TRPM3: variants seen among roughly 807,000 people sequenced by gnomAD.
TRPM3 encodes transient receptor potential cation channel subfamily M member 3, also known as long transient receptor potential channel 3.
A neutral mutation model predicts 181.2 loss-of-function variants in TRPM3; 77 were observed. The observed-to-expected ratio is 0.42, with a 90% CI of 0.35 to 0.51. TRPM3 has a LOEUF of 0.51. Ranked by LOEUF, TRPM3 falls within the 20% of genes least tolerant of loss-of-function variation. The pLI, the probability that TRPM3 is intolerant of heterozygous loss-of-function variation, is 0.01. For synonymous variants in TRPM3, 745 were observed against 796.4 expected (o/e 0.94, Z 1.09); for missense variants, 1,759 against 2,196.7 (o/e 0.80, Z 3.98).
At chr9:70,966,753 A>AGG (rs924502555) in intron 1 of TRPM3, among the ~76,000 whole-genome samples, 1 of 151,922 alleles carries the variant, frequency 6.6e-6, no homozygotes, top group African/African-American at 2.4e-5. Flanking sequence ...GGGTGGGAGG[A>AGG]GGGAAAGGAT....
intron 1 of TRPM3, among the ~76,000 whole-genome samples, chr9:71,074,463 C>T (rs1312348097): frequency 1.3e-5 from 2 of 152,160 alleles, no homozygotes; most frequent in Non-Finnish European, 2.9e-5. Flanking sequence ...GGAACATGGG[C>T]AGCAGACTTC....
At chr9:71,422,621 T>C (rs12344569) in intron 1 of TRPM3, among the ~76,000 whole-genome samples, 7,488 of 152,146 alleles carry the variant, frequency 0.049, 325 homozygotes, top group East Asian at 0.22. Context: ...GTAGTATATA[T>C]ACAAAAACTT....
At chr9:70,829,765 T>G (rs1030293204) in intron 5 of TRPM3, among the ~76,000 whole-genome samples, 1 of 152,176 alleles carries the variant, frequency 6.6e-6, no homozygotes, top group African/African-American at 2.4e-5. Flanking sequence ...TCTAGATGAT[T>G]GCGTAAGAGT....
chr9:70,823,438 C>T (rs374492556), intron 6 of TRPM3, among the ~76,000 whole-genome samples: 7 of 152,172 alleles, frequency 4.6e-5, no homozygotes, highest in Non-Finnish European at 1.0e-4. Context: ...TGGCTTAGTT[C>T]CTGCTTTCAC....
At chr9:71,151,729 A>G (rs892925006) in intron 1 of TRPM3, among the ~76,000 whole-genome samples, 3 of 152,144 alleles carry the variant, frequency 2.0e-5, no homozygotes, top group African/African-American at 7.2e-5. Context: ...AAGAATGGTT[A>G]ACTACATTAC....
chr9:70,537,025 T>G lies in TRPM3; in HGVS notation c.4088A>C (p.Glu1363Ala), dbSNP rs765600351. Residue 1363 changes from glutamate (E) to alanine (A), a missense_variant, in exon 26 of 26, where the codon GAA (glutamate) becomes GCA (alanine). By Grantham distance (107) the Glu-to-Ala change is moderately radical. This residue lies in a region of TRPM3 where 612 missense variants were observed against 590.0 expected (regional missense o/e 1.04). Coordinates refer to ENST00000677713, the MANE Select transcript of TRPM3 (RefSeq NM_001366145.2). ...SVNMKDKGGI[E>A]KLESIFKERS... ...TTCTTTAAAAATACTTTCCAACTTT[T>G]CTATACCACCTTTGTCTTTCATATT... 1 of 1,610,604 alleles carries G rather than the reference T, an allele frequency of 6.2e-7. No individual in the cohort carries two copies. Among genetic ancestry groups the G allele is most frequent in the East Asian group, 2.2e-5 (1 of 44,730 alleles).
At chr9:71,256,268 C>T (rs887151909) in intron 1 of TRPM3, among the ~76,000 whole-genome samples, 8 of 152,096 alleles carry the variant, frequency 5.3e-5, no homozygotes, top group Non-Finnish European at 1.0e-4. Flanking sequence ...GTAAATACAG[C>T]CTTGCCTCTG....
intron 4 of TRPM3, among the ~76,000 whole-genome samples, chr9:70,845,934 C>T (rs1014794926): frequency 1.4e-4 from 21 of 152,098 alleles, no homozygotes; most frequent in African/African-American, 4.8e-4. Flanking sequence ...ACAATAAACA[C>T]GTAATGCCCT....
intron 1 of TRPM3, among the ~76,000 whole-genome samples, chr9:71,177,634 C>G (rs746369656): frequency 1.8e-5 from 1 of 55,654 alleles, no homozygotes; most frequent in African/African-American, 5.2e-5. Context: ...ATTAGGAAAA[C>G]CTATCTTTTC....
rs556600979 is a variant in TRPM3 at position 70,756,513 on chromosome 9, T to G, written c.1272+5088A>C. On this transcript the variant is annotated intron_variant, in intron 8 of 25. Transcript: ENST00000677713. ...CAGACCTAATAGACATCTACAGAACTTTCCACCCCAAATCAACAGAATGTA... is the reference window on the plus strand; with the variant it reads ...CAGACCTAATAGACATCTACAGAACGTTCCACCCCAAATCAACAGAATGTA... 1.2e-4 allele frequency among the ~76,000 whole-genome samples: 18 copies of G among 152,258 alleles called. No individual in the cohort carries two copies. In the South Asian group the frequency reaches 3.7e-3, roughly 32 times the overall value.
At chr9:70,545,155 T>C (rs2044501933) in intron 25 of TRPM3, among the ~76,000 whole-genome samples, 1 of 152,228 alleles carries the variant, frequency 6.6e-6, no homozygotes, top group African/African-American at 2.4e-5. Context: ...GCAGAATTAG[T>C]ATTAAAATTT....
chr9:71,042,115 T>G (rs777177807), intron 1 of TRPM3, among the ~76,000 whole-genome samples: 6 of 152,126 alleles, frequency 3.9e-5, no homozygotes, highest in Non-Finnish European at 7.4e-5. Context: ...ATTAAAAGCT[T>G]AGACAACTTT....
chr9:70,963,781 TG>T (rs1314521697), intron 1 of TRPM3, among the ~76,000 whole-genome samples: 1 of 151,986 alleles, frequency 6.6e-6, no homozygotes, highest in African/African-American at 2.4e-5. Context: ...ATCTTGAAAG[TG>T]GGTGAATAAA....
At chr9:71,079,717 T>C (rs954827375) in intron 1 of TRPM3, among the ~76,000 whole-genome samples, 8 of 152,128 alleles carry the variant, frequency 5.3e-5, no homozygotes, top group African/African-American at 1.9e-4. Flanking sequence ...GTCAACAGGG[T>C]TTGTCGGAGA....
At chr9:70,826,803 T>C (rs1020292408) in intron 6 of TRPM3, 2 of 152,256 alleles carry the variant, frequency 1.3e-5, no homozygotes, top group African/African-American at 2.4e-5. Flanking sequence ...AGATCAAAGT[T>C]TCCCTGATGG....
chr9:71,266,925 AT>A, intron 1 of TRPM3, among the ~76,000 whole-genome samples: 1 of 150,968 alleles, frequency 6.6e-6, no homozygotes, highest in East Asian at 2.0e-4. Context: ...AATTATGACA[AT>A]TTTAATCCTT....
At chr9:70,689,841 A>G (rs1271135530) in intron 8 of TRPM3, among the ~76,000 whole-genome samples, 1 of 152,178 alleles carries the variant, frequency 6.6e-6, no homozygotes, top group African/African-American at 2.4e-5. Context: ...TGGGAAAAAA[A>G]TAGGCATATT....
intron 3 of TRPM3, among the ~76,000 whole-genome samples, chr9:70,857,175 C>A (rs1032798396): frequency 2.0e-5 from 3 of 152,150 alleles, no homozygotes; most frequent in South Asian, 2.1e-4. Context: ...TCTGAGTGAA[C>A]TGCAGGGTCT....
intron 9 of TRPM3, among the ~76,000 whole-genome samples, chr9:70,651,959 A>T (rs1211209939): frequency 6.6e-6 from 1 of 152,162 alleles, no homozygotes; most frequent in East Asian, 1.9e-4. Flanking sequence ...CTCAATAGGA[A>T]GGAGGAAGAC....
Sources: allele counts gnomAD v4.1 joint callset (sites outside exome capture counted in the v4.1 genomes callset), GRCh38; gene constraint gnomAD v4.1.1; regional missense constraint gnomAD v4.1.1; transcripts MANE v1.5; gene names NCBI Gene and HGNC (gene_info 2026-07-23, HGNC 2026-07-21).